The following GJB7 variants were observed in gnomAD, a reference collection of about 807,000 sequenced individuals.
The protein encoded by GJB7 is gap junction beta-7 protein.
For synonymous variants in GJB7, 87 were observed against 95.2 expected, an observed-to-expected ratio of 0.91 and a Z score of 0.50; for missense variants, 253 against 256.8, an observed-to-expected ratio of 0.99 and a Z score of 0.10.
At chr6:87,316,216 C>T (rs12663251) in intron 2 of GJB7, among the ~76,000 whole-genome samples, 17,405 of 152,190 alleles carry the variant, frequency 0.11, 1,030 homozygotes, top group East Asian at 0.13. Context: ...CTATCAACTC[C>T]TATGCTAGTC....
chr6:87,301,087 C>T (rs1270378390), intron 2 of GJB7, among the ~76,000 whole-genome samples: 6 of 152,198 alleles, frequency 3.9e-5, no homozygotes, highest in African/African-American at 9.7e-5. Context: ...CTCCAGTCTA[C>T]AGCTCCCAGC....
chr6:87,285,476 G>A (rs1776043935), intron 2 of GJB7, among the ~76,000 whole-genome samples: 1 of 152,084 alleles, frequency 6.6e-6, no homozygotes, highest in Admixed American at 6.5e-5. Flanking sequence ...CCACCAATTT[G>A]ATAATGAAAA....
chr6:87,294,842 T>G (rs1249551866), intron 2 of GJB7, among the ~76,000 whole-genome samples: 1 of 152,166 alleles, frequency 6.6e-6, no homozygotes, highest in Non-Finnish European at 1.5e-5. Flanking sequence ...GGTTTGTTTG[T>G]TTTTTTCCCC....
rs1403235230 is a variant in GJB7, at chr6:87,284,842, C to G, written c.71G>C (p.Trp24Ser). 2 of 1,614,048 alleles carry G rather than the reference C, an allele frequency of 1.2e-6. No homozygotes were observed. Among genetic ancestry groups the G allele is most frequent in the Admixed American group, 1.7e-5 (1 of 60,018 alleles). The change falls in exon 3 of 3, where the codon TGG (tryptophan) becomes TCG (serine). Residue 24 changes from tryptophan (W) to serine (S), a missense_variant. Coordinates refer to ENST00000525899, the MANE Select transcript of GJB7 (RefSeq NM_198568.3). Reference sequence around the variant, plus strand: ...ACGGAAGACAAACACGACAGCCAGCCAAATCCATCCAGTCCCAGTGGAGTA... The same window carrying G: ...ACGGAAGACAAACACGACAGCCAGCGAAATCCATCCAGTCCCAGTGGAGTA... ...NKYSTGTGWIWLAVVFVFRLL... is the reference protein window; with the variant it reads ...NKYSTGTGWISLAVVFVFRLL...
At chr6:87,307,051 C>T (rs1776439240) in intron 2 of GJB7, among the ~76,000 whole-genome samples, 1 of 152,034 alleles carries the variant, frequency 6.6e-6, no homozygotes, top group African/African-American at 2.4e-5. Flanking sequence ...GGAGGGATAG[C>T]TTTAGGAGAC....
At chr6:87,321,114 G>A (rs1035417453) in intron 2 of GJB7, among the ~76,000 whole-genome samples, 2 of 151,930 alleles carry the variant, frequency 1.3e-5, no homozygotes, top group African/African-American at 4.8e-5. Flanking sequence ...AGCTACTCGG[G>A]AGGATGAGGC....
chr6:87,293,970 G>A (rs999925659), intron 2 of GJB7, among the ~76,000 whole-genome samples: 12 of 152,172 alleles, frequency 7.9e-5, no homozygotes, highest in African/African-American at 2.9e-4. Context: ...GGAAAGAGAG[G>A]CATTAACATG....
intron 2 of GJB7, among the ~76,000 whole-genome samples, chr6:87,309,744 T>C (rs1233218548): frequency 1.3e-5 from 2 of 152,174 alleles, no homozygotes; most frequent in African/African-American, 2.4e-5. Flanking sequence ...AGACAGTGAA[T>C]CCCTGCATCC....
intron 2 of GJB7, among the ~76,000 whole-genome samples, chr6:87,306,327 A>G (rs1562213537): frequency 6.6e-6 from 1 of 151,542 alleles, no homozygotes; most frequent in Non-Finnish European, 1.5e-5. Context: ...CAACAAATTT[A>G]TAAGAAAAAA....
intron 2 of GJB7, among the ~76,000 whole-genome samples, chr6:87,287,511 T>C (rs1776082575): frequency 6.6e-6 from 1 of 152,212 alleles, no homozygotes; most frequent in Non-Finnish European, 1.5e-5. Context: ...CAATGCCCTA[T>C]TCAGCAGGGA....
chr6:87,284,455 T>C lies in GJB7; in HGVS notation c.458A>G (p.Tyr153Cys). The C allele has an allele frequency of 6.2e-7, 1 of 1,614,008 alleles. No individual in the cohort carries two copies. Among genetic ancestry groups the C allele is most frequent in the Non-Finnish European group, 8.5e-7 (1 of 1,179,974 alleles). ...YKLYDGFSVPYLIKCDLKPCP... is the reference protein window; with the variant it reads ...YKLYDGFSVPCLIKCDLKPCP... ...AGGCTTCAAATCACACTTTATAAGG[T>C]AGGGAACACTAAAGCCATCATATAG... The change falls in exon 3 of 3, where the codon TAC becomes TGC. Residue 153 changes from tyrosine to cysteine, a missense_variant. Physicochemically the swap from Tyr to Cys is radical, Grantham distance 194. Coordinates refer to ENST00000525899, the MANE Select transcript of GJB7 (RefSeq NM_198568.3).
intron 2 of GJB7, among the ~76,000 whole-genome samples, chr6:87,288,748 C>T (rs1215277294): frequency 6.6e-6 from 1 of 152,098 alleles, no homozygotes; most frequent in Non-Finnish European, 1.5e-5. Context: ...TCAAACCCCA[C>T]ATCCAATCTA....
chr6:87,298,586 AAAAAC>A (rs1318445781), intron 2 of GJB7, among the ~76,000 whole-genome samples: 1 of 152,226 alleles, frequency 6.6e-6, no homozygotes, highest in Non-Finnish European at 1.5e-5. Flanking sequence ...CTCAGAAGCT[AAAAAC>A]AAAACAAAAC....
intron 2 of GJB7, among the ~76,000 whole-genome samples, chr6:87,307,456 C>A (rs1438940697): frequency 3.3e-5 from 5 of 151,878 alleles, no homozygotes; most frequent in African/African-American, 9.7e-5. Context: ...GAATGGGAGA[C>A]AATTTTTGCA....
intron 2 of GJB7, among the ~76,000 whole-genome samples, chr6:87,293,088 G>C (rs1042293554): frequency 2.6e-5 from 4 of 152,198 alleles, no homozygotes; most frequent in Non-Finnish European, 5.9e-5. Flanking sequence ...CTAGAGTGCA[G>C]TGGCGCGATC....
chr6:87,328,386 T>C (rs1353349368), intron 1 of GJB7, among the ~76,000 whole-genome samples: 1 of 152,100 alleles, frequency 6.6e-6, no homozygotes, highest in African/African-American at 2.4e-5. Flanking sequence ...TGTGGTTTTA[T>C]CTACTTTTTG....
intron 2 of GJB7, among the ~76,000 whole-genome samples, chr6:87,314,910 TA>T (rs1187624831): frequency 6.6e-6 from 1 of 152,074 alleles, no homozygotes; most frequent in Non-Finnish European, 1.5e-5. Flanking sequence ...AGAGAAACAA[TA>T]AAGAAATAAA....
chr6:87,287,292 G>A (rs1776077747), intron 2 of GJB7, among the ~76,000 whole-genome samples: 1 of 152,166 alleles, frequency 6.6e-6, no homozygotes, highest in Non-Finnish European at 1.5e-5. Flanking sequence ...TTTCTGCATA[G>A]ACTCAGCCAA....
intron 2 of GJB7, among the ~76,000 whole-genome samples, chr6:87,309,691 T>C (rs1481056300): frequency 1.3e-5 from 2 of 152,132 alleles, no homozygotes; most frequent in African/African-American, 4.8e-5. Flanking sequence ...AGAAAATATT[T>C]AATAGGGACT....
Sources: allele counts gnomAD v4.1 joint callset (sites outside exome capture counted in the v4.1 genomes callset), GRCh38; gene constraint gnomAD v4.1.1; transcripts MANE v1.5; gene names NCBI Gene and HGNC (gene_info 2026-07-23, HGNC 2026-07-21).